The following EIF4EBP2 variants were observed in gnomAD, a reference collection of about 807,000 sequenced individuals.
EIF4EBP2 encodes eukaryotic translation initiation factor 4E-binding protein 2.
A neutral mutation model predicts 10.3 loss-of-function variants in EIF4EBP2; 5 were observed. The observed-to-expected ratio is 0.48, with a 90% CI of 0.25 to 1.02. EIF4EBP2 has a LOEUF of 1.02. EIF4EBP2 is among the 50% of genes least tolerant of loss of function. The pLI, the probability that EIF4EBP2 is intolerant of heterozygous loss-of-function variation, is 0.15. For synonymous variants in EIF4EBP2, 67 were observed against 61.1 expected, an observed-to-expected ratio of 1.10 and a Z score of -0.45; for missense variants, 188 against 162.2, an observed-to-expected ratio of 1.16 and a Z score of -0.86.
intron 1 of EIF4EBP2, among the ~76,000 whole-genome samples, chr10:70,418,801 C>A (rs1042115054): frequency 3.3e-5 from 5 of 152,106 alleles, no homozygotes; most frequent in Admixed American, 2.6e-4. Flanking sequence ...TTTCTACTTT[C>A]CTTGTCCTAA....
chr10:70,409,897 C>T (rs1344336770), intron 1 of EIF4EBP2, among the ~76,000 whole-genome samples: 1 of 152,162 alleles, frequency 6.6e-6, no homozygotes, highest in African/African-American at 2.4e-5. Context: ...GGTTGTAGCT[C>T]TTCTGCCTCT....
intron 1 of EIF4EBP2, among the ~76,000 whole-genome samples, chr10:70,409,602 C>A (rs527268324): frequency 9.9e-5 from 15 of 152,272 alleles, no homozygotes; most frequent in African/African-American, 3.6e-4. Flanking sequence ...GCTTATCTTA[C>A]TAGGAAAGGA....
intron 1 of EIF4EBP2, among the ~76,000 whole-genome samples, chr10:70,404,899 G>A (rs1238865572): frequency 6.6e-6 from 1 of 152,254 alleles, no homozygotes; most frequent in Non-Finnish European, 1.5e-5. Flanking sequence ...TGCATTGCCT[G>A]TCGTAGATTG....
intron 1 of EIF4EBP2, among the ~76,000 whole-genome samples, chr10:70,418,362 C>T (rs1845119197): frequency 1.3e-5 from 2 of 152,148 alleles, no homozygotes. Flanking sequence ...TTATGGCAGC[C>T]TAAGCTGACT....
rs1845179918 is a variant in EIF4EBP2, at chr10:70,423,614, T to C, written c.*1867T>C. 1 of 152,368 alleles carries C rather than the reference T, an allele frequency of 6.6e-6. No individual in the cohort carries two copies. The highest frequency in any genetic ancestry group is 2.4e-5 in the African/African-American group (1 of 41,444). 9.4% of individuals were successfully genotyped at this position (152,368 alleles called of 1,614,324 possible). On this transcript the variant is annotated 3_prime_UTR_variant, in exon 3 of 3. Transcript: ENST00000373218. ...CCCAGGGTGAGAGTAACAGGCCATT[T>C]GGCCAAGAAAGAAACCTGTTTGTTT...
At chr10:70,414,476 G>A (rs954436356) in intron 1 of EIF4EBP2, among the ~76,000 whole-genome samples, 1 of 152,034 alleles carries the variant, frequency 6.6e-6, no homozygotes, top group Non-Finnish European at 1.5e-5. Context: ...TACTGTGTTG[G>A]CATTCAAAAT....
rs979021706 is a variant in EIF4EBP2, at chr10:70,404,349, C to CCCG, written c.-41_-39dup. ...CCTGAGGAGCCGAAGCAGCCCCGGC[C>CCCG]CCGCCGCCGCCGCCTGCCCGCCGGA... On this transcript the variant is annotated 5_prime_UTR_variant, in exon 1 of 3. Transcript: ENST00000373218. 2.8e-5 allele frequency: 42 copies of CCCG among 1,481,682 alleles called. No individual in the cohort carries two copies. Among genetic ancestry groups the CCCG allele is most frequent in the Middle Eastern group, 2.4e-4 (1 of 4,172 alleles). The allele number at this position is 1,481,682 out of a possible 1,614,324, so 91.8% of individuals were successfully genotyped here.
intron 1 of EIF4EBP2, among the ~76,000 whole-genome samples, chr10:70,415,044 A>G (rs1252868778): frequency 1.3e-5 from 2 of 151,046 alleles, no homozygotes; most frequent in African/African-American, 4.9e-5. Flanking sequence ...TGTAGTCCCA[A>G]CTGCTAGGGA....
At position 70,428,072 on chromosome 10, in the gene EIF4EBP2, C is replaced by A. The variant is rs772919429; in HGVS notation, c.*6325C>A. Reference sequence around the variant, plus strand: ...AGAGGCAGGTTGCTGGGTAAGCCATCCTGCTCCTACCTGGTGCCTGTATCT... The same window carrying A: ...AGAGGCAGGTTGCTGGGTAAGCCATACTGCTCCTACCTGGTGCCTGTATCT... On this transcript the variant is annotated 3_prime_UTR_variant, in exon 3 of 3. Coordinates refer to ENST00000373218, the MANE Select transcript of EIF4EBP2 (RefSeq NM_004096.5). The A allele has an allele frequency of 1.3e-5, 2 of 151,492 alleles. No individual in the cohort carries two copies. Among genetic ancestry groups the A allele is most frequent in the Non-Finnish European group, 2.9e-5 (2 of 67,968 alleles). The allele number at this position is 151,492 out of a possible 1,614,324, so 9.4% of individuals were successfully genotyped here. A position where few individuals can be genotyped will look rare whatever the true frequency, so the allele number is the denominator to read the frequency against.
chr10:70,414,734 A>G lies in EIF4EBP2; in HGVS notation c.146-5180A>G, dbSNP rs571760502. Reference sequence around the variant, plus strand: ...AATACAAAAATTAGCTGGGCATGGTAGCGCATACCTGTAATCCCAGCTATT... The same window carrying G: ...AATACAAAAATTAGCTGGGCATGGTGGCGCATACCTGTAATCCCAGCTATT... On this transcript the variant is annotated intron_variant, in intron 1 of 2. Transcript: ENST00000373218. 2.0e-5 allele frequency among the ~76,000 whole-genome samples: 3 copies of G among 151,722 alleles called. 1 individual carries two copies. Among genetic ancestry groups the G allele is most frequent in the African/African-American group, 7.3e-5 (3 of 41,372 alleles).
chr10:70,414,558 A>G (rs1410183454), intron 1 of EIF4EBP2, among the ~76,000 whole-genome samples: 2 of 152,214 alleles, frequency 1.3e-5, no homozygotes, highest in Non-Finnish European at 2.9e-5. Context: ...TTGCAAGATA[A>G]AAGAGCCATA....
At chr10:70,411,014 T>C (rs530912308) in intron 1 of EIF4EBP2, among the ~76,000 whole-genome samples, 8 of 152,358 alleles carry the variant, frequency 5.3e-5, no homozygotes, top group Non-Finnish European at 1.0e-4. Context: ...AGCATCTTTT[T>C]TCTTAGTTCC....
intron 1 of EIF4EBP2, among the ~76,000 whole-genome samples, chr10:70,405,208 A>C (rs1299129826): frequency 6.6e-6 from 1 of 152,144 alleles, no homozygotes; most frequent in African/African-American, 2.4e-5. Context: ...TAGGGTGCTG[A>C]CAGCCTTAAG....
intron 1 of EIF4EBP2, among the ~76,000 whole-genome samples, chr10:70,407,116 C>CTTTT (rs35260368): frequency 7.3e-6 from 1 of 136,782 alleles, no homozygotes; most frequent in Non-Finnish European, 1.6e-5. Flanking sequence ...CCAGGATGGT[C>CTTTT]TTTTTTTTTT....
chr10:70,411,285 TTGAC>T (rs1845041209), intron 1 of EIF4EBP2, among the ~76,000 whole-genome samples: 1 of 152,220 alleles, frequency 6.6e-6, no homozygotes. Context: ...CTTCATGAAT[TTGAC>T]TACTCTAGGA....
intron 2 of EIF4EBP2, among the ~76,000 whole-genome samples, 158 bp downstream of exon 2, chr10:70,420,257 T>C (rs961934464): frequency 2.0e-4 from 30 of 152,228 alleles, no homozygotes; most frequent in Admixed American, 1.4e-3. Context: ...TGGAGTGCAG[T>C]GGCACAATCT....
rs1054202283 is a variant in EIF4EBP2 at position 70,428,517 on chromosome 10, A to G, written c.*6770A>G. The stretch of plus-strand genomic sequence containing the variant: ...CATGATCAGTTGTTTTTGTATTTTA[A>G]CTATTCTTCCAAACCAGCAGATGTT... On this transcript the variant is annotated 3_prime_UTR_variant, in exon 3 of 3. Transcript: ENST00000373218. 1 of 152,192 alleles carries G rather than the reference A, an allele frequency of 6.6e-6. No homozygotes were observed. Among genetic ancestry groups the G allele is most frequent in the African/African-American group, 2.4e-5 (1 of 41,452 alleles). The allele number at this position is 152,192 out of a possible 1,614,324, so 9.4% of individuals were successfully genotyped here. A position where few individuals can be genotyped will look rare whatever the true frequency, so the allele number is the denominator to read the frequency against.
At chr10:70,408,246 G>A (rs377245551) in intron 1 of EIF4EBP2, among the ~76,000 whole-genome samples, 3 of 150,104 alleles carry the variant, frequency 2.0e-5, no homozygotes, top group East Asian at 4.0e-4. Flanking sequence ...GCGGCTGGCC[G>A]GGCACAGGGT....
chr10:70,424,403 T>C lies in EIF4EBP2; in HGVS notation c.*2656T>C, dbSNP rs1296608888. 3 of 152,226 alleles carry C rather than the reference T, an allele frequency of 2.0e-5. No individual in the cohort carries two copies. Among genetic ancestry groups the C allele is most frequent in the East Asian group, 1.9e-4 (1 of 5,202 alleles). 9.4% of individuals were successfully genotyped at this position (152,226 alleles called of 1,614,324 possible). On this transcript the variant is annotated 3_prime_UTR_variant, in exon 3 of 3. Transcript: ENST00000373218. ...ACTAGACAGTCTTTCTTTTATCTTATGGAGATAAATTGGCATTTAAAAAAT... is the reference window on the plus strand; with the variant it reads ...ACTAGACAGTCTTTCTTTTATCTTACGGAGATAAATTGGCATTTAAAAAAT...
Sources: allele counts gnomAD v4.1 joint callset (sites outside exome capture counted in the v4.1 genomes callset), GRCh38; gene constraint gnomAD v4.1.1; transcripts MANE v1.5; gene names NCBI Gene and HGNC (gene_info 2026-07-23, HGNC 2026-07-21).